CTNND2: variants seen among roughly 807,000 people sequenced by gnomAD.
CTNND2 encodes the protein catenin delta 2, also known as catenin delta-2.
Under a neutral mutation model 144.4 loss-of-function variants are expected in CTNND2, and 22 were observed. The ratio of observed to expected loss-of-function variants is 0.15; its 90% confidence interval spans 0.11 to 0.22. CTNND2 has a LOEUF of 0.22. Among genes scored for constraint, CTNND2 ranks in the 10% least tolerant of loss-of-function variants. The probability of loss-of-function intolerance (pLI) is 1.00; values close to 1 mark genes in which losing one functional copy is unlikely to be tolerated. For missense variants in CTNND2, 1,353 were observed against 1,618.8 expected (o/e 0.84, Z 2.82); for synonymous variants, 751 against 695.6 (o/e 1.08, Z -1.25).
At chr5:11,281,989 T>G (rs1233251810) in intron 9 of CTNND2, among the ~76,000 whole-genome samples, 1 of 152,180 alleles carries the variant, frequency 6.6e-6, no homozygotes, top group African/African-American at 2.4e-5. Flanking sequence ...CAGTCATTTA[T>G]TTTGCTCAGA....
At chr5:11,858,076 G>T (rs1309200005) in intron 1 of CTNND2, among the ~76,000 whole-genome samples, 1 of 152,144 alleles carries the variant, frequency 6.6e-6, no homozygotes, top group African/African-American at 2.4e-5. Context: ...AGGTAATGTG[G>T]CTTCAACCCA....
Position 11,301,645 on chromosome 5 carries a change from C to A in CTNND2, c.1628+44727G>T, listed in dbSNP as rs547828979. ...AGAGAAGAAATTACATTTTAAAATT[C>A]GTATTCTTCACTCAGCATTGCAATA... On this transcript the variant is annotated intron_variant, in intron 9 of 21. Transcript: ENST00000304623. Among the ~76,000 whole-genome samples the A allele has an allele frequency of 5.3e-5, 8 of 152,218 alleles. No homozygotes were observed. In the East Asian group the frequency reaches 1.5e-3, roughly 29 times the overall value.
chr5:11,421,929 TC>T (rs1338160347), intron 3 of CTNND2, among the ~76,000 whole-genome samples: 1 of 152,148 alleles, frequency 6.6e-6, no homozygotes, highest in Non-Finnish European at 1.5e-5. Context: ...CTAGAATTTT[TC>T]CCATAGTGAT....
chr5:11,004,092 C>T (rs933665659), intron 18 of CTNND2, among the ~76,000 whole-genome samples: 2 of 152,066 alleles, frequency 1.3e-5, no homozygotes, highest in Non-Finnish European at 2.9e-5. Context: ...CATTGTTAAC[C>T]GCTAGGAGTT....
chr5:11,090,646 C>T (rs887126501), intron 15 of CTNND2, among the ~76,000 whole-genome samples: 1 of 152,170 alleles, frequency 6.6e-6, no homozygotes, highest in Non-Finnish European at 1.5e-5. Context: ...AACTATTCCT[C>T]GCCCCATTGG....
At position 11,641,830 on chromosome 5, in the gene CTNND2, GTGTA is replaced by G. The variant is rs765693333; in HGVS notation, c.175-76778_175-76775del. On this transcript the variant is annotated intron_variant, in intron 2 of 21. Coordinates refer to ENST00000304623, the MANE Select transcript of CTNND2 (RefSeq NM_001332.4). ...TGTATGTACATACATATACGTATAT[GTGTA>G]TGTATGTATGTATATACATATACAT... 9.0e-4 allele frequency among the ~76,000 whole-genome samples: 134 copies of G among 149,200 alleles called. 2 individuals are homozygous for G. Among genetic ancestry groups the G allele is most frequent in the Non-Finnish European group, 1.2e-3 (81 of 67,478 alleles).
intron 1 of CTNND2, among the ~76,000 whole-genome samples, chr5:11,902,801 C>A (rs974802424): frequency 1.3e-5 from 2 of 152,022 alleles, no homozygotes; most frequent in Admixed American, 6.5e-5. Context: ...AAAAAAAACA[C>A]CTTGGAAACA....
chr5:11,778,884 A>G (rs1235865462), intron 1 of CTNND2, among the ~76,000 whole-genome samples: 1 of 152,250 alleles, frequency 6.6e-6, no homozygotes, highest in Admixed American at 6.5e-5. Context: ...AATTCTCTGT[A>G]CCATCTTTCC....
At chr5:10,979,041 G>T (rs1178250833) in intron 21 of CTNND2, among the ~76,000 whole-genome samples, 1 of 152,134 alleles carries the variant, frequency 6.6e-6, no homozygotes, top group Non-Finnish European at 1.5e-5. Context: ...GGGGAAGGAA[G>T]GCTGGTGCAG....
At chr5:11,385,455 GA>G (rs1235028656) in intron 6 of CTNND2, among the ~76,000 whole-genome samples, 2 of 152,186 alleles carry the variant, frequency 1.3e-5, no homozygotes, top group Admixed American at 1.3e-4. Flanking sequence ...CTACTGGAGG[GA>G]AGTCACGTTT....
At chr5:11,475,565 G>C (rs1767647136) in intron 3 of CTNND2, among the ~76,000 whole-genome samples, 3 of 152,144 alleles carry the variant, frequency 2.0e-5, no homozygotes, top group Admixed American at 2.0e-4. Context: ...TCCAAACTTG[G>C]ATGTGCTGAT....
intron 9 of CTNND2, among the ~76,000 whole-genome samples, chr5:11,247,696 G>A (rs1429097955): frequency 6.6e-6 from 1 of 152,114 alleles, no homozygotes; most frequent in Non-Finnish European, 1.5e-5. Context: ...CCCAATTTAT[G>A]CTAATAGTTA....
intron 3 of CTNND2, among the ~76,000 whole-genome samples, chr5:11,444,092 G>A (rs1219275770): frequency 3.3e-5 from 5 of 152,098 alleles, no homozygotes; most frequent in East Asian, 3.9e-4. Context: ...GGGCTACCTC[G>A]GCATTGACTT....
chr5:11,520,125 C>A (rs1336215637), intron 3 of CTNND2, among the ~76,000 whole-genome samples: 12 of 132,846 alleles, frequency 9.0e-5, no homozygotes, highest in Admixed American at 8.8e-4. Context: ...CTAGCCTGGG[C>A]AACAAGAGTG....
intron 9 of CTNND2, among the ~76,000 whole-genome samples, chr5:11,253,503 T>G (rs532455242): frequency 1.7e-4 from 26 of 152,294 alleles, no homozygotes; most frequent in South Asian, 4.2e-4. Flanking sequence ...TTTGCTTGGC[T>G]CTCATTCTCT....
At chr5:11,871,588 A>G (rs7723080) in intron 1 of CTNND2, among the ~76,000 whole-genome samples, 87,883 of 152,070 alleles carry the variant, frequency 0.58, 25,503 homozygotes, top group South Asian at 0.65. Flanking sequence ...AAGAAAAGAT[A>G]ATAAAATCTT....
chr5:11,246,594 TTC>T lies in CTNND2; in HGVS notation c.1629-9773_1629-9772del, dbSNP rs566016114. Among the ~76,000 whole-genome samples, 232 of 151,964 alleles carry T rather than the reference TTC, an allele frequency of 1.5e-3. 2 individuals carry two copies. The highest frequency in any genetic ancestry group is 5.4e-3 in the African/African-American group (224 of 41,412). On this transcript the variant is annotated intron_variant, in intron 9 of 21. Transcript: ENST00000304623. ...ATGATTTTGGTCTGGCAGAATCAAT[TTC>T]TGTTGTTTTGGGCCACCCAGTTGGT...
intron 5 of CTNND2, among the ~76,000 whole-genome samples, chr5:11,401,279 C>T (rs1340600342): frequency 6.6e-6 from 1 of 152,194 alleles, no homozygotes; most frequent in Admixed American, 6.5e-5. Context: ...TGCACTTGTT[C>T]TGTTTACCTA....
chr5:11,897,305 T>C (rs1387397586), intron 1 of CTNND2, among the ~76,000 whole-genome samples: 1 of 152,226 alleles, frequency 6.6e-6, no homozygotes, highest in Non-Finnish European at 1.5e-5. Flanking sequence ...GGATAAAATT[T>C]GTTTTAAAAA....
Sources: gnomAD v4.1 joint callset for allele counts (sites outside exome capture counted in the v4.1 genomes callset) on GRCh38, gnomAD v4.1.1 for gene constraint, MANE v1.5 for transcripts, NCBI Gene and HGNC (gene_info 2026-07-23, HGNC 2026-07-21) for gene names.